COL4A6: variants seen among roughly 807,000 people sequenced by gnomAD.
COL4A6 encodes the protein collagen type IV alpha 6 chain.
COL4A6 carries 59 observed loss-of-function variants against 126.7 expected under a neutral mutation model. The ratio of observed to expected loss-of-function variants is 0.47; its 90% CI spans 0.38 to 0.58. COL4A6 has a LOEUF of 0.58. Among genes scored for constraint, COL4A6 ranks in the 20% least tolerant of loss-of-function variants. The pLI, the probability that COL4A6 is intolerant of heterozygous loss-of-function variation, is 0.00. For synonymous variants in COL4A6, 547 were observed against 496.6 expected (o/e 1.10, Z -1.35); for missense variants, 1,285 against 1,337.3 (o/e 0.96, Z 0.61).
intron 25 of COL4A6, 97 bp from the exon 26 acceptor site, chrX:108,179,535 A>T: frequency 1.6e-6 from 1 of 644,958 alleles, no homozygotes; most frequent in Non-Finnish European, 2.3e-6. Context: ...TATGAAAGCT[A>T]ACATATTAAT....
In COL4A6 at chrX:108,187,251, T is replaced by C. The variant is rs912992976; in HGVS notation, c.1796A>G (p.Glu599Gly). ...ACCAGGAAGTCCAGGTAACCCCTTT[T>C]CACCTGGGAAGCCCTGTCCACCATC... is the stretch of plus-strand genomic sequence containing the variant. ...PGDGGQGFPG[E>G]KGLPGLPGEK... The change falls in exon 23 of 45, where the codon GAA becomes GGA. Residue 599 changes from glutamate (E) to glycine (G), a missense_variant. Glu to Gly is a moderately conservative substitution (Grantham distance 98). Coordinates refer to ENST00000334504, the MANE Select transcript of COL4A6 (RefSeq NM_033641.4). 6 of 1,173,140 alleles carry C rather than the reference T, an allele frequency of 5.1e-6. No individual in the cohort carries two copies. The African/African-American group carries it at 8.9e-5, about 17-fold the overall frequency.
At chrX:108,165,677 C>G (rs753383585) in intron 37 of COL4A6, among the ~76,000 whole-genome samples, 191 bp from the exon 38 acceptor site, 4 of 111,947 alleles carry the variant, frequency 3.6e-5, no homozygotes, top group African/African-American at 1.3e-4. Flanking sequence ...CTGACAAGGG[C>G]TCAGAGACTC....
chrX:108,161,599 CTA>C lies in COL4A6; in HGVS notation c.4333+18_4333+19del. 6 of 887,941 alleles carry C rather than the reference CTA, an allele frequency of 6.8e-6. No individual in the cohort carries two copies. Among genetic ancestry groups the C allele is most frequent in the Admixed American group, 3.2e-5 (1 of 31,419 alleles). The allele number at this position is 887,941 out of a possible 1,213,427, so 73.2% of individuals were successfully genotyped here. ...CCACCATCCCCGCCCCGCCCGCCTCCTAATGTGGCATCATCAGACCTTCAAAT... is the reference window on the plus strand; with the variant it reads ...CCACCATCCCCGCCCCGCCCGCCTCCATGTGGCATCATCAGACCTTCAAAT... On this transcript the variant is annotated intron_variant, in intron 42 of 44. Coordinates refer to ENST00000334504, the MANE Select transcript of COL4A6 (RefSeq NM_033641.4).
At chrX:108,222,693 C>G (rs1006887331) in intron 3 of COL4A6, among the ~76,000 whole-genome samples, 1 of 111,716 alleles carries the variant, frequency 9.0e-6, no homozygotes, top group Non-Finnish European at 1.9e-5. Context: ...TTTTCCAATA[C>G]CCAACATGTG....
chrX:108,229,161 T>C (rs62601415), intron 3 of COL4A6, among the ~76,000 whole-genome samples: 1,922 of 112,053 alleles, frequency 0.017, 17 homozygotes, highest in Non-Finnish European at 0.027. Flanking sequence ...TCTGGTACAT[T>C]AGCATGTTTT....
intron 2 of COL4A6, among the ~76,000 whole-genome samples, chrX:108,393,808 C>A (rs184053897): frequency 8.9e-6 from 1 of 111,999 alleles, no homozygotes; most frequent in Non-Finnish European, 1.9e-5. Flanking sequence ...GAAAAAGGAA[C>A]GCTTTTACAC....
At chrX:108,229,463 A>C (rs1482440092) in intron 3 of COL4A6, among the ~76,000 whole-genome samples, 1 of 111,933 alleles carries the variant, frequency 8.9e-6, no homozygotes, top group East Asian at 2.8e-4. Flanking sequence ...ATTAAAACAC[A>C]GATTGCTGGG....
chrX:108,334,741 C>T (rs1311019243), intron 2 of COL4A6, among the ~76,000 whole-genome samples: 4 of 111,278 alleles, frequency 3.6e-5, no homozygotes, highest in Non-Finnish European at 7.6e-5. Context: ...CAGAAGGATC[C>T]GGGTCCAAAT....
At chrX:108,298,125 A>T (rs770288706) in intron 3 of COL4A6, among the ~76,000 whole-genome samples, 57 of 112,010 alleles carry the variant, frequency 5.1e-4, no homozygotes, top group South Asian at 1.1e-3. Flanking sequence ...GGCTCTGCCA[A>T]CTGTTCTGTG....
chrX:108,187,209 C>A lies in COL4A6; in HGVS notation c.1838G>T (p.Gly613Val). The A allele has an allele frequency of 8.4e-7, 1 of 1,193,945 alleles. No individual in the cohort carries two copies. Among genetic ancestry groups the A allele is most frequent in the Non-Finnish European group, 1.1e-6 (1 of 884,547 alleles). ...CCCATTTCCTGGGAGGCCAGGTGGA[C>A]CAGGATGGCCTTTTTCACCAGGAAG... ...PGLPGEKGHP[G>V]PPGLPGNGLP... The change falls in exon 23 of 45, where the codon GGT (glycine) becomes GTT (valine). Residue 613 changes from glycine to valine, a missense_variant. Transcript: ENST00000334504.
intron 3 of COL4A6, among the ~76,000 whole-genome samples, chrX:108,235,931 C>T (rs1461901092): frequency 9.1e-6 from 1 of 110,324 alleles, no homozygotes; most frequent in African/African-American, 3.3e-5. Context: ...AAGGAGTTGG[C>T]CAGACCAGGG....
chrX:108,383,620 A>T, intron 2 of COL4A6: 3 of 539,836 alleles, frequency 5.6e-6, no homozygotes, highest in Non-Finnish European at 9.5e-6. Context: ...ATGCCCCAAA[A>T]TGGGGCACTA....
At chrX:108,173,901 T>C (rs1349623246) in intron 31 of COL4A6, among the ~76,000 whole-genome samples, 3 of 112,701 alleles carry the variant, frequency 2.7e-5, no homozygotes, top group Non-Finnish European at 5.6e-5. Context: ...TTGCTAGTCG[T>C]TGCACCTTGT....
chrX:108,207,032 G>A (rs1369249154), intron 8 of COL4A6, among the ~76,000 whole-genome samples: 1 of 111,376 alleles, frequency 9.0e-6, no homozygotes, highest in African/African-American at 3.3e-5. Flanking sequence ...TAGAGGTTTG[G>A]ATTACATACA....
At chrX:108,158,209 T>C (rs972496923) in intron 44 of COL4A6, among the ~76,000 whole-genome samples, 7 of 113,117 alleles carry the variant, frequency 6.2e-5, no homozygotes, top group African/African-American at 2.2e-4. Flanking sequence ...GAATCAGGCT[T>C]GTCATTGTGA....
chrX:108,189,678 A>G (rs767154873), intron 20 of COL4A6, among the ~76,000 whole-genome samples: 21 of 112,639 alleles, frequency 1.9e-4, no homozygotes, highest in Admixed American at 6.6e-4. Context: ...ACAAGCTTTC[A>G]GGCATTTCTT....
chrX:108,358,364 TAAG>T (rs774905264), intron 2 of COL4A6, among the ~76,000 whole-genome samples: 2 of 109,582 alleles, frequency 1.8e-5, no homozygotes, highest in South Asian at 7.9e-4. Flanking sequence ...CTATAACGTC[TAAG>T]AAGACCTAAG....
intron 2 of COL4A6, among the ~76,000 whole-genome samples, chrX:108,366,116 C>A (rs1172597536): frequency 9.0e-6 from 1 of 111,566 alleles, no homozygotes; most frequent in Non-Finnish European, 1.9e-5. Context: ...GTATCATTCT[C>A]ATACCTTATA....
intron 2 of COL4A6, among the ~76,000 whole-genome samples, chrX:108,381,626 C>T (rs1218534675): frequency 9.0e-6 from 1 of 111,203 alleles, no homozygotes; most frequent in East Asian, 2.8e-4. Flanking sequence ...ACTCACAAGG[C>T]TATTATGGGA....
Sources: gnomAD v4.1 joint callset for allele counts (sites outside exome capture counted in the v4.1 genomes callset) on GRCh38, gnomAD v4.1.1 for gene constraint, MANE v1.5 for transcripts, NCBI Gene and HGNC (gene_info 2026-07-23, HGNC 2026-07-21) for gene names.